Variants in CTNNA3 observed in about 807,000 individuals in gnomAD.
The protein encoded by CTNNA3 is catenin alpha 3, also known as catenin alpha-3.
In CTNNA3, 76 loss-of-function variants were observed where a neutral mutation model predicts 95.7. That is an observed-to-expected ratio of 0.79 (90% CI 0.66 to 0.96). The LOEUF is 0.96. CTNNA3 is among the 40% of genes least tolerant of loss of function. CTNNA3 has a pLI of 0.00. For missense variants in CTNNA3, 1,191 were observed against 1,089.8 expected (o/e 1.09, Z -1.31); for synonymous variants, 431 against 374.4 (o/e 1.15, Z -1.74).
intron 3 of CTNNA3, among the ~76,000 whole-genome samples, chr10:67,545,052 AT>A (rs1229815548): frequency 2.1e-5 from 3 of 145,038 alleles, no homozygotes; most frequent in Non-Finnish European, 4.4e-5. Context: ...ATTAAAAAAA[AT>A]TTTTTCATAA....
chr10:67,409,992 C>A (rs909962151), intron 5 of CTNNA3, among the ~76,000 whole-genome samples: 8 of 152,126 alleles, frequency 5.3e-5, no homozygotes, highest in African/African-American at 1.7e-4. Flanking sequence ...CTGGACCCAG[C>A]AATCCCATTA....
chr10:66,517,552 G>C (rs1024617299), intron 11 of CTNNA3, among the ~76,000 whole-genome samples: 2 of 152,012 alleles, frequency 1.3e-5, no homozygotes, highest in Non-Finnish European at 2.9e-5. Flanking sequence ...GCAACATCAG[G>C]AAGTTACCCT....
intron 7 of CTNNA3, among the ~76,000 whole-genome samples, chr10:67,008,555 A>C (rs1405026437): frequency 1.3e-5 from 2 of 152,156 alleles, no homozygotes; most frequent in South Asian, 2.1e-4. Context: ...TGAGTTAGCA[A>C]GGCAATTCTC....
At chr10:67,419,157 A>T (rs1845650707) in intron 5 of CTNNA3, among the ~76,000 whole-genome samples, 1 of 152,212 alleles carries the variant, frequency 6.6e-6, no homozygotes, top group African/African-American at 2.4e-5. Context: ...TGACTGAATT[A>T]AACAAGATCC....
chr10:67,330,115 T>TTACAGCTGCAAGGGAAACTGGGAGG (rs1841720196), intron 5 of CTNNA3, among the ~76,000 whole-genome samples: 1 of 152,226 alleles, frequency 6.6e-6, no homozygotes, highest in African/African-American at 2.4e-5. Context: ...CAAAGCATAA[T>TTACAGCTGCAAGGGAAACTGGGAGG]TACAGCTGCA....
intron 9 of CTNNA3, among the ~76,000 whole-genome samples, chr10:66,665,924 G>C (rs1846436600): frequency 6.6e-6 from 1 of 152,092 alleles, no homozygotes; most frequent in South Asian, 2.1e-4. Flanking sequence ...TGACTTATAA[G>C]TACTTTGTGA....
At chr10:67,509,191 CTT>C (rs57346362) in intron 5 of CTNNA3, among the ~76,000 whole-genome samples, 8 of 143,354 alleles carry the variant, frequency 5.6e-5, no homozygotes, top group Admixed American at 1.4e-4. Context: ...AGACATGTTT[CTT>C]TTTTTTTTTT....
At chr10:66,037,999 C>T (rs900878609) in intron 15 of CTNNA3, among the ~76,000 whole-genome samples, 1 of 152,150 alleles carries the variant, frequency 6.6e-6, no homozygotes. Flanking sequence ...CCATGCAGCT[C>T]TACGTGTTCA....
intron 5 of CTNNA3, among the ~76,000 whole-genome samples, chr10:67,241,395 C>G (rs946483000): frequency 5.9e-5 from 9 of 151,630 alleles, no homozygotes; most frequent in Non-Finnish European, 1.2e-4. Context: ...TGCCCTCTAG[C>G]CTAGGTGACA....
chr10:66,683,317 G>A (rs1461446608), intron 9 of CTNNA3, among the ~76,000 whole-genome samples: 3 of 152,140 alleles, frequency 2.0e-5, no homozygotes, highest in East Asian at 1.9e-4. Flanking sequence ...ATATTAAAAT[G>A]TTCACCTTTG....
chr10:67,415,372 A>G (rs1845507687), intron 5 of CTNNA3, among the ~76,000 whole-genome samples: 1 of 152,214 alleles, frequency 6.6e-6, no homozygotes, highest in African/African-American at 2.4e-5. Flanking sequence ...GGCTGAGAGT[A>G]AAATCTAGAA....
At chr10:65,963,338 T>C (rs2077892277) in intron 17 of CTNNA3, among the ~76,000 whole-genome samples, 1 of 152,170 alleles carries the variant, frequency 6.6e-6, no homozygotes, top group Non-Finnish European at 1.5e-5. Context: ...ACCATGTCCA[T>C]AACATTCCAT....
At chr10:66,880,944 C>T (rs917023511) in intron 7 of CTNNA3, among the ~76,000 whole-genome samples, 2 of 152,028 alleles carry the variant, frequency 1.3e-5, no homozygotes, top group African/African-American at 2.4e-5. Flanking sequence ...AAGGAAAATG[C>T]TATAAGACAT....
intron 5 of CTNNA3, among the ~76,000 whole-genome samples, chr10:67,511,613 A>AT (rs1040808103): frequency 2.0e-5 from 3 of 151,842 alleles, no homozygotes; most frequent in African/African-American, 7.3e-5. Flanking sequence ...TTTATTGAGG[A>AT]TTTTCTCATC....
chr10:66,307,733 TAA>T (rs1156499623), intron 12 of CTNNA3, among the ~76,000 whole-genome samples: 3 of 152,248 alleles, frequency 2.0e-5, no homozygotes, highest in East Asian at 1.9e-4. Flanking sequence ...TCTAAAGACT[TAA>T]GTTTCATTTT....
At chr10:66,340,684 A>G (rs2092445158) in intron 12 of CTNNA3, among the ~76,000 whole-genome samples, 3 of 151,790 alleles carry the variant, frequency 2.0e-5, no homozygotes, top group Admixed American at 1.3e-4. Context: ...CTTAAATAAT[A>G]TCTCATATTT....
intron 15 of CTNNA3, among the ~76,000 whole-genome samples, chr10:66,045,154 A>G (rs1228463421): frequency 6.6e-6 from 1 of 152,196 alleles, no homozygotes; most frequent in Admixed American, 6.5e-5. Flanking sequence ...TACAAATATT[A>G]CACACTTAGA....
At chr10:66,602,103 T>C (rs534366585) in intron 10 of CTNNA3, among the ~76,000 whole-genome samples, 1 of 152,040 alleles carries the variant, frequency 6.6e-6, no homozygotes, top group East Asian at 1.9e-4. Context: ...TGCTTAGATT[T>C]GTATAAGGTC....
chr10:67,045,412 G>T (rs566974462), intron 7 of CTNNA3, among the ~76,000 whole-genome samples: 2 of 152,118 alleles, frequency 1.3e-5, no homozygotes, highest in African/African-American at 4.8e-5. Flanking sequence ...ATTTTTGTTG[G>T]TTTTTTTGTT....
Sources: allele counts gnomAD v4.1 joint callset (sites outside exome capture counted in the v4.1 genomes callset), GRCh38; gene constraint gnomAD v4.1.1; transcripts MANE v1.5; gene names NCBI Gene and HGNC (gene_info 2026-07-23, HGNC 2026-07-21).